TRPM3: variants seen among roughly 807,000 people sequenced by gnomAD.
TRPM3 encodes the protein transient receptor potential cation channel subfamily M member 3, also known as long transient receptor potential channel 3.
A neutral mutation model predicts 181.2 loss-of-function variants in TRPM3; 77 were observed. That is an observed-to-expected ratio of 0.42 (90% CI 0.35 to 0.51). The LOEUF is 0.51. TRPM3 is among the 20% of genes least tolerant of loss of function. TRPM3 has a pLI of 0.01. For missense variants in TRPM3, 1,759 were observed against 2,196.7 expected (o/e 0.80, Z 3.98); for synonymous variants, 745 against 796.4 (o/e 0.94, Z 1.09).
At chr9:71,180,174 C>G (rs778018558) in intron 1 of TRPM3, among the ~76,000 whole-genome samples, 1 of 149,930 alleles carries the variant, frequency 6.7e-6, no homozygotes, top group Non-Finnish European at 1.5e-5. Flanking sequence ...CCTGTCTCAG[C>G]CTCCTGAGTA....
intron 1 of TRPM3, among the ~76,000 whole-genome samples, chr9:71,257,494 G>A (rs73647986): frequency 0.032 from 4,922 of 152,150 alleles, 285 homozygotes; most frequent in African/African-American, 0.11. Flanking sequence ...CCCAATGACT[G>A]GTCAGTAAAA....
At chr9:71,400,617 T>G (rs1350903082) in intron 1 of TRPM3, among the ~76,000 whole-genome samples, 1 of 152,116 alleles carries the variant, frequency 6.6e-6, no homozygotes, top group Admixed American at 6.5e-5. Flanking sequence ...TTTTTCAATT[T>G]TCAAAATTAA....
At chr9:71,419,201 C>A (rs1588943225) in intron 1 of TRPM3, among the ~76,000 whole-genome samples, 1 of 151,534 alleles carries the variant, frequency 6.6e-6, no homozygotes, top group Non-Finnish European at 1.5e-5. Context: ...ACAGAAAAGG[C>A]CTTATTGTTA....
At chr9:71,107,276 G>A (rs927676952) in intron 1 of TRPM3, among the ~76,000 whole-genome samples, 3 of 152,166 alleles carry the variant, frequency 2.0e-5, no homozygotes, top group East Asian at 1.9e-4. Flanking sequence ...TCTAGCATGC[G>A]TCCTTGCCTT....
rs775641431 is a variant in TRPM3 at position 71,121,221 on chromosome 9, T to C, written c.134A>G (p.Lys45Arg). ...TGGAAGAAAGGCTGCGTGGCACAGC[T>C]TCCGGATGGTCCAGTTTAGGGGTCG... Reference protein sequence around the residue: ...APRPLNWTIRKLCHAAFLPSV... With the variant: ...APRPLNWTIRRLCHAAFLPSV... The change falls in exon 1 of 26, where the codon AAG (lysine) becomes AGG (arginine). Residue 45 changes from lysine to arginine, a missense_variant. Around this residue, in one of 8 missense-constraint regions of TRPM3, gnomAD observed 737 missense variants for 957.4 expected, o/e 0.77. Transcript: ENST00000677713. 3 of 1,614,116 alleles carry C rather than the reference T, an allele frequency of 1.9e-6. No homozygotes were observed. The South Asian group carries it at 3.3e-5, about 18-fold the overall frequency.
intron 25 of TRPM3, among the ~76,000 whole-genome samples, chr9:70,548,878 C>A (rs1344700581): frequency 7.0e-6 from 1 of 143,758 alleles, no homozygotes. Context: ...CTTTTTAATA[C>A]GCTGAGGTGT....
chr9:71,431,410 T>G (rs1191009936), intron 1 of TRPM3, among the ~76,000 whole-genome samples: 1 of 152,236 alleles, frequency 6.6e-6, no homozygotes, highest in African/African-American at 2.4e-5. Flanking sequence ...TTTAATTTTT[T>G]TCATTCAATA....
At chr9:71,390,093 T>C (rs1400130304) in intron 1 of TRPM3, among the ~76,000 whole-genome samples, 3 of 152,182 alleles carry the variant, frequency 2.0e-5, no homozygotes, top group South Asian at 2.1e-4. Context: ...ATGAGTTAAA[T>C]AGATATCAGT....
chr9:71,210,060 G>A (rs971606210), intron 1 of TRPM3, among the ~76,000 whole-genome samples: 4 of 152,206 alleles, frequency 2.6e-5, no homozygotes, highest in South Asian at 4.1e-4. Flanking sequence ...GGAGGTGAGC[G>A]TCAGGGGACC....
At chr9:71,034,204 T>G (rs1697828523) in intron 1 of TRPM3, among the ~76,000 whole-genome samples, 1 of 152,208 alleles carries the variant, frequency 6.6e-6, no homozygotes. Context: ...TAGCCTCATC[T>G]CAGCTCTGCT....
chr9:70,996,285 G>A (rs2097540881), intron 1 of TRPM3, among the ~76,000 whole-genome samples: 1 of 152,124 alleles, frequency 6.6e-6, no homozygotes, highest in East Asian at 1.9e-4. Flanking sequence ...TTATCTAGAG[G>A]ATAAAGGCAT....
chr9:70,761,845 A>G (rs2078209130), intron 7 of TRPM3, 121 bp from the exon 8 acceptor site: 1 of 1,199,950 alleles, frequency 8.3e-7, no homozygotes, highest in Non-Finnish European at 1.1e-6. Context: ...TTATTTCTGT[A>G]TTTTTCTCAC....
At chr9:70,996,403 A>G (rs1391301126) in intron 1 of TRPM3, among the ~76,000 whole-genome samples, 1 of 152,200 alleles carries the variant, frequency 6.6e-6, no homozygotes, top group Non-Finnish European at 1.5e-5. Flanking sequence ...AGGTGTCACT[A>G]TGCCCATCTC....
intron 1 of TRPM3, among the ~76,000 whole-genome samples, chr9:70,960,819 G>A (rs1358532480): frequency 6.6e-6 from 1 of 152,006 alleles, no homozygotes; most frequent in African/African-American, 2.4e-5. Context: ...GTGTTTCCCT[G>A]GCCACCGCTC....
At chr9:71,020,260 A>C (rs2097834079) in intron 1 of TRPM3, among the ~76,000 whole-genome samples, 1 of 152,120 alleles carries the variant, frequency 6.6e-6, no homozygotes, top group African/African-American at 2.4e-5. Context: ...TGAGCCCAGA[A>C]GTTCAAGATT....
At chr9:71,044,050 A>G (rs891948910) in intron 1 of TRPM3, among the ~76,000 whole-genome samples, 5 of 151,592 alleles carry the variant, frequency 3.3e-5, no homozygotes, top group African/African-American at 1.2e-4. Context: ...CTCCCCTCCC[A>G]TTTTCTAGGC....
intron 7 of TRPM3, among the ~76,000 whole-genome samples, chr9:70,781,456 GT>G (rs1388895024): frequency 1.3e-5 from 2 of 151,892 alleles, no homozygotes; most frequent in African/African-American, 4.8e-5. Context: ...TTGGACACTG[GT>G]TTACAACCAG....
intron 9 of TRPM3, among the ~76,000 whole-genome samples, chr9:70,642,958 G>A (rs913540369): frequency 2.0e-5 from 3 of 152,176 alleles, no homozygotes; most frequent in African/African-American, 7.2e-5. Context: ...GCCCTCAAGA[G>A]CTGTGGTGCT....
At chr9:71,326,397 T>C (rs1011742807) in intron 1 of TRPM3, among the ~76,000 whole-genome samples, 1 of 152,218 alleles carries the variant, frequency 6.6e-6, no homozygotes, top group Non-Finnish European at 1.5e-5. Flanking sequence ...ATCACAAGTA[T>C]GTATGTGTAT....
Sources: gnomAD v4.1 joint callset for allele counts (sites outside exome capture counted in the v4.1 genomes callset) on GRCh38, gnomAD v4.1.1 for gene constraint, gnomAD v4.1.1 regional missense constraint, MANE v1.5 for transcripts, NCBI Gene and HGNC (gene_info 2026-07-23, HGNC 2026-07-21) for gene names.